The following AREL1 variants were observed in gnomAD, a reference collection of about 807,000 sequenced individuals.
The protein encoded by AREL1 is apoptosis resistant E3 ubiquitin protein ligase 1.
A neutral mutation model predicts 99.0 loss-of-function variants in AREL1; 62 were observed. The observed-to-expected ratio is 0.63, with a 90% CI of 0.51 to 0.77. The LOEUF (loss-of-function observed/expected upper bound fraction) is 0.77. Ranked by LOEUF, AREL1 falls within the 30% of genes least tolerant of loss-of-function variation. The pLI is 0.00. For synonymous variants in AREL1, 380 were observed against 376.5 expected (o/e 1.01, Z -0.11); for missense variants, 879 against 1,027.6 (o/e 0.86, Z 1.98).
rs185412594 is a variant in AREL1 at position 74,690,478 on chromosome 14, C to T, written c.-46+1563G>A. Among the ~76,000 whole-genome samples, 13 of 152,270 alleles carry T rather than the reference C, an allele frequency of 8.5e-5. No homozygotes were observed. In the East Asian group the frequency reaches 2.5e-3, roughly 29 times the overall value. ...GAGCCAGGCGTTGTAAGTTCCTCAA[C>T]CTAAAAGTTGCCAATTTAATTCAGT... On this transcript the variant is annotated intron_variant, in intron 2 of 19. Transcript: ENST00000356357.
At chr14:74,694,595 T>C (rs2089943980) in intron 1 of AREL1, among the ~76,000 whole-genome samples, 1 of 152,222 alleles carries the variant, frequency 6.6e-6, no homozygotes, top group South Asian at 2.1e-4. Flanking sequence ...TGCAAGGACA[T>C]GTAAAAAGTT....
chr14:74,676,453 T>C, intron 6 of AREL1, 130 bp downstream of exon 6: 1 of 1,415,436 alleles, frequency 7.1e-7, no homozygotes, highest in African/African-American at 1.4e-5. Flanking sequence ...ACAGGTATTG[T>C]CAGATGAAGA....
chr14:74,684,389 C>T, intron 4 of AREL1, 65 bp downstream of exon 4: 1 of 1,446,496 alleles, frequency 6.9e-7, no homozygotes, highest in African/African-American at 1.4e-5. Flanking sequence ...AGGCCAGCAC[C>T]TGGGCTCTGG....
chr14:74,705,480 C>T (rs1393864899), intron 1 of AREL1, among the ~76,000 whole-genome samples: 1 of 152,144 alleles, frequency 6.6e-6, no homozygotes, highest in Non-Finnish European at 1.5e-5. Flanking sequence ...AAGACCTCTG[C>T]ACCCCTGATA....
intron 5 of AREL1, chr14:74,678,473 G>A (rs2139899400): frequency 5.5e-6 from 1 of 181,988 alleles, no homozygotes; most frequent in East Asian, 1.8e-4. Flanking sequence ...ACTCAGCCTG[G>A]GTGACAGAGT....
chr14:74,672,944 C>G lies in AREL1; in HGVS notation c.1309G>C (p.Glu437Gln). The G allele has an allele frequency of 1.2e-6, 2 of 1,614,172 alleles. No homozygotes were observed. Among genetic ancestry groups the G allele is most frequent in the Non-Finnish European group, 1.7e-6 (2 of 1,180,022 alleles). ...AAGTTCACCTTGTCCTGAAAGGTCT[C>G]AGAGCCTCCTGGGGAACAGCAAGAT... is the stretch of plus-strand genomic sequence containing the variant. ...RSLHKNIGGS[E>Q]TFQDKVNFFQ... is the part of the protein sequence containing the mutation. The change falls in exon 11 of 20, where the codon GAG (glutamate) becomes CAG (glutamine). Residue 437 changes from glutamate to glutamine, a missense_variant. Glu to Gln is a conservative substitution (Grantham distance 29). Transcript: ENST00000356357.
At chr14:74,674,163 AT>A in intron 8 of AREL1, 52 bp from the exon 9 acceptor site, 4 of 1,447,618 alleles carry the variant, frequency 2.8e-6, no homozygotes, top group Non-Finnish European at 3.9e-6. Flanking sequence ...AAAAGGCTCT[AT>A]TTGGGTATTC....
intron 4 of AREL1, 51 bp from the exon 5 acceptor site, chr14:74,683,584 T>G (rs748694852): frequency 6.4e-7 from 1 of 1,566,408 alleles, no homozygotes; most frequent in Non-Finnish European, 8.8e-7. Flanking sequence ...GAAAAAAACA[T>G]TTCCTGTGTA....
At position 74,675,686 on chromosome 14, in the gene AREL1, T is replaced by G. The variant is rs370567839; in HGVS notation, c.1080+13A>C. On this transcript the variant is annotated intron_variant, in intron 8 of 19. Coordinates refer to ENST00000356357, the MANE Select transcript of AREL1 (RefSeq NM_001039479.2). ...AAGCAGGGGGATTTTATGTCGAGAA[T>G]GGAAGGTCCAACCTTTGGTGACACA... is the stretch of plus-strand genomic sequence containing the variant. 36 of 1,609,956 alleles carry G rather than the reference T, an allele frequency of 2.2e-5. No homozygotes were observed. Among genetic ancestry groups the G allele is most frequent in the Non-Finnish European group, 2.7e-5 (32 of 1,176,882 alleles).
In AREL1 at chr14:74,667,598, T is replaced by TAA; in HGVS notation, c.1915-6_1915-5dup. 4 of 1,600,592 alleles carry TAA rather than the reference T, an allele frequency of 2.5e-6. No individual in the cohort carries two copies. The highest frequency in any genetic ancestry group is 3.4e-6 in the Non-Finnish European group (4 of 1,172,986). ...CACCTGTCATGAGTTCTACAACCTG[T>TAA]AACAGGCAGCAAAAGACAGACAAGG... On this transcript the variant is annotated splice_region_variant and splice_polypyrimidine_tract_variant and intron_variant, in intron 15 of 19. Transcript: ENST00000356357.
At position 74,674,629 on chromosome 14, in the gene AREL1, GACT is replaced by G. The variant is rs1213762608; in HGVS notation, c.1081-521_1081-519del. 2.6e-5 allele frequency among the ~76,000 whole-genome samples: 4 copies of G among 152,188 alleles called. No homozygotes were observed. In the East Asian group the frequency reaches 7.7e-4, roughly 29 times the overall value. On this transcript the variant is annotated intron_variant, in intron 8 of 19. Transcript: ENST00000356357. ...AAAATAAAATAAATAAAAAAAATAT[GACT>G]GACAATGCAGTTTCACACAGAGATA...
At chr14:74,670,187 G>A in intron 13 of AREL1, 61 bp from the exon 14 acceptor site, 2 of 1,487,750 alleles carry the variant, frequency 1.3e-6, no homozygotes, top group Non-Finnish European at 1.8e-6. Context: ...GTTCTGGAAG[G>A]ACCCTTCCTT....
intron 5 of AREL1, among the ~76,000 whole-genome samples, chr14:74,677,719 T>A (rs1449838861): frequency 6.6e-6 from 1 of 151,156 alleles, no homozygotes; most frequent in Non-Finnish European, 1.5e-5. Context: ...GCCAGGCTGG[T>A]CTCAAACTCC....
intron 1 of AREL1, chr14:74,698,858 T>TAA (rs547639633): frequency 0.23 from 24,756 of 109,806 alleles, 2,600 homozygotes; most frequent in African/African-American, 0.28. Flanking sequence ...ATCCCATCTC[T>TAA]AAAAAAAAAA....
rs1250845491 is a variant in AREL1 at position 74,713,032 on chromosome 14, A to T, written c.-433T>A. 6 of 1,173,152 alleles carry T rather than the reference A, an allele frequency of 5.1e-6. No individual in the cohort carries two copies. The highest frequency in any genetic ancestry group is 7.6e-6 in the Non-Finnish European group (6 of 786,084). 72.7% of individuals were successfully genotyped at this position (1,173,152 alleles called of 1,614,324 possible). A position where few individuals can be genotyped will look rare whatever the true frequency, so the allele number is the denominator to read the frequency against. ...ACGGGCTCCCCACTCTCCCACCAAC[A>T]GACCCCAGAGTTGGTCTCCACCCGG... On this transcript the variant is annotated 5_prime_UTR_variant, in exon 1 of 20. Transcript: ENST00000356357.
intron 2 of AREL1, among the ~76,000 whole-genome samples, chr14:74,689,587 C>CTTTTTTTTTTTTT (rs1185444870): frequency 8.8e-6 from 1 of 113,712 alleles, no homozygotes; most frequent in Admixed American, 1.0e-4. Flanking sequence ...TCTTATAGCA[C>CTTTTTTTTTTTTT]TTTTCTTTTT....
chr14:74,671,276 A>T, intron 12 of AREL1, 132 bp downstream of exon 12: 1 of 553,274 alleles, frequency 1.8e-6, no homozygotes. Context: ...GGGAAAAAAA[A>T]ACCTAGGTTT....
At chr14:74,705,585 C>T (rs1028942157) in intron 1 of AREL1, among the ~76,000 whole-genome samples, 6 of 151,934 alleles carry the variant, frequency 3.9e-5, no homozygotes, top group African/African-American at 9.7e-5. Context: ...CTGGCTTTAA[C>T]GAGAGTCTTT....
At chr14:74,667,680 C>G (rs1025607969) in intron 15 of AREL1, 86 bp from the exon 16 acceptor site, 4 of 1,484,294 alleles carry the variant, frequency 2.7e-6, no homozygotes, top group Non-Finnish European at 3.6e-6. Flanking sequence ...TTTATAGACA[C>G]AGATTACTGA....
Sources: gnomAD v4.1 joint callset for allele counts (sites outside exome capture counted in the v4.1 genomes callset) on GRCh38, gnomAD v4.1.1 for gene constraint, MANE v1.5 for transcripts, NCBI Gene and HGNC (gene_info 2026-07-23, HGNC 2026-07-21) for gene names.